Variants in TCERG1L observed in about 807,000 individuals in gnomAD.
The protein encoded by TCERG1L is transcription elongation regulator 1-like protein.
Under a neutral mutation model 56.3 loss-of-function variants are expected in TCERG1L, and 37 were observed. The observed-to-expected ratio is 0.66, with a 90% CI of 0.51 to 0.87. The LOEUF is 0.87. Ranked by LOEUF, TCERG1L falls within the 40% of genes least tolerant of loss-of-function variation. The pLI is 0.00. For synonymous variants in TCERG1L, 324 were observed against 326.3 expected (o/e 0.99, Z 0.08); for missense variants, 799 against 774.2 (o/e 1.03, Z -0.38).
chr10:131,267,950 C>A lies in TCERG1L; in HGVS notation c.671-7506G>T, dbSNP rs1846303271. On this transcript the variant is annotated intron_variant, in intron 3 of 11. Coordinates refer to ENST00000368642, the MANE Select transcript of TCERG1L (RefSeq NM_174937.4). The surrounding 1 kb of genome is among the most constrained non-coding windows in gnomAD (Gnocchi z 4.9). Reference sequence around the variant, plus strand: ...CCAGGGCTCCCCTTTGCCCAGCTCACAACCCTGCCAGGGTTGGCTCCTCTG... The same window carrying A: ...CCAGGGCTCCCCTTTGCCCAGCTCAAAACCCTGCCAGGGTTGGCTCCTCTG... Among the ~76,000 whole-genome samples the A allele has an allele frequency of 6.6e-6, 1 of 152,230 alleles. No individual in the cohort carries two copies. The highest frequency in any genetic ancestry group is 1.5e-5 in the Non-Finnish European group (1 of 68,038).
intron 4 of TCERG1L, among the ~76,000 whole-genome samples, chr10:131,220,003 G>C (rs946211284): frequency 2.0e-5 from 3 of 152,062 alleles, no homozygotes; most frequent in Non-Finnish European, 2.9e-5. Flanking sequence ...CCTGAGAAAC[G>C]AGCCCAACAA....
intron 9 of TCERG1L, among the ~76,000 whole-genome samples, chr10:131,114,476 C>G (rs1845435323): frequency 1.0e-5 from 1 of 98,472 alleles, no homozygotes; most frequent in South Asian, 5.0e-4. Context: ...TCACCCTAGT[C>G]CCTTTCTCTC....
chr10:131,106,371 A>G (rs529751870), intron 9 of TCERG1L, among the ~76,000 whole-genome samples: 1 of 152,298 alleles, frequency 6.6e-6, no homozygotes, highest in East Asian at 1.9e-4. Flanking sequence ...ACAGCAGCCT[A>G]GGGAGGCGGC....
rs1427505552 is a variant in TCERG1L, at chr10:131,308,252, C to A, written c.629G>T (p.Arg210Met). 3.1e-6 allele frequency: 5 copies of A among 1,613,912 alleles called. No homozygotes were observed. Among genetic ancestry groups the A allele is most frequent in the Non-Finnish European group, 4.2e-6 (5 of 1,179,868 alleles). ...TGCTAACACCACCGTGGGGAGCGGC[C>A]TGGAGGCAGGAGCCGGCCTGGACAG... is the stretch of plus-strand genomic sequence containing the variant. Reference protein sequence around the residue: ...VSLSRPAPASRPLPTVVLAPQ... With the variant: ...VSLSRPAPASMPLPTVVLAPQ... The change falls in exon 3 of 12, where the codon AGG becomes ATG. Residue 210 changes from arginine to methionine, a missense_variant. Physicochemically the swap from Arg to Met is moderately conservative, Grantham distance 91. Coordinates refer to ENST00000368642, the MANE Select transcript of TCERG1L (RefSeq NM_174937.4).
intron 6 of TCERG1L, among the ~76,000 whole-genome samples, chr10:131,150,191 C>T (rs1041116158): frequency 5.0e-5 from 1 of 20,166 alleles, no homozygotes; most frequent in South Asian, 3.1e-3. Flanking sequence ...GACCTGGGTA[C>T]AGCAGATGGA....
chr10:131,311,401 CG>C lies in TCERG1L; in HGVS notation c.234del (p.Gly79AlafsTer46). On this transcript the variant is annotated frameshift_variant, in exon 1 of 12. Coordinates refer to ENST00000368642, the MANE Select transcript of TCERG1L (RefSeq NM_174937.4). LOFTEE classifies it high-confidence loss of function. This position sits in a 1 kb window ranked among gnomAD's most constrained non-coding sequence, Gnocchi z 4.0. Reference protein sequence around the residue: ...PPAAPLLPGLPGWPAPSEPVL... With the variant: ...PPAAPLLPGLXGWPAPSEPVL... ...ACCGGCTCGCTCGGGGCCGGCCAGC[CG>C]GGGAGACCGGGGAGCAGCGGGGCCG... 1 of 1,182,634 alleles carries C rather than the reference CG, an allele frequency of 8.5e-7. No homozygotes were observed. Among genetic ancestry groups the C allele is most frequent in the African/African-American group, 1.6e-5 (1 of 61,978 alleles). 73.3% of individuals were successfully genotyped at this position (1,182,634 alleles called of 1,614,324 possible).
At chr10:131,138,556 G>A (rs1183009510) in intron 7 of TCERG1L, among the ~76,000 whole-genome samples, 2 of 152,156 alleles carry the variant, frequency 1.3e-5, no homozygotes, top group Non-Finnish European at 2.9e-5. Flanking sequence ...GGAAAGTAGG[G>A]CCAATTCATC....
At chr10:131,272,794 G>A (rs1465975577) in intron 3 of TCERG1L, among the ~76,000 whole-genome samples, 1 of 152,214 alleles carries the variant, frequency 6.6e-6, no homozygotes. Context: ...GGATGTGGAG[G>A]CATGAGCCGT....
chr10:131,207,279 G>C, intron 4 of TCERG1L, among the ~76,000 whole-genome samples: 1 of 152,100 alleles, frequency 6.6e-6, no homozygotes, highest in East Asian at 1.9e-4. Context: ...GAGGTCACAG[G>C]AGCTTTCCAA....
intron 4 of TCERG1L, among the ~76,000 whole-genome samples, chr10:131,218,182 C>G (rs1845692257): frequency 6.6e-6 from 1 of 152,164 alleles, no homozygotes; most frequent in Non-Finnish European, 1.5e-5. Context: ...GCGTGGACTG[C>G]CACTGTTTTA....
intron 4 of TCERG1L, among the ~76,000 whole-genome samples, chr10:131,171,846 CAGGCGTGAGCCA>C (rs563497394): frequency 6.6e-6 from 1 of 152,204 alleles, no homozygotes; most frequent in Non-Finnish European, 1.5e-5. Flanking sequence ...GCTGGGATTA[CAGGCGTGAGCCA>C]CTGCGCCTGG....
chr10:131,232,320 G>A (rs1203700288), intron 4 of TCERG1L, among the ~76,000 whole-genome samples: 2 of 152,234 alleles, frequency 1.3e-5, no homozygotes. Flanking sequence ...GAGGAGCCCA[G>A]CAGGATGAGC....
intron 4 of TCERG1L, among the ~76,000 whole-genome samples, chr10:131,255,098 T>C (rs970202338): frequency 1.3e-5 from 2 of 152,100 alleles, no homozygotes; most frequent in African/African-American, 4.8e-5. Context: ...CAGCAGGGTG[T>C]GGTTTCAGAG....
At chr10:131,119,488 T>C (rs1845492222) in intron 8 of TCERG1L, among the ~76,000 whole-genome samples, 1 of 152,332 alleles carries the variant, frequency 6.6e-6, no homozygotes, top group Admixed American at 6.5e-5. Flanking sequence ...GTAATAAATT[T>C]TCATTAGTTA....
At chr10:131,296,513 C>A (rs1846692036) in intron 3 of TCERG1L, among the ~76,000 whole-genome samples, 1 of 152,166 alleles carries the variant, frequency 6.6e-6, no homozygotes, top group African/African-American at 2.4e-5. Context: ...TGCACAAAGC[C>A]TTAGTTCCTG....
intron 4 of TCERG1L, among the ~76,000 whole-genome samples, chr10:131,230,490 G>A (rs540110321): frequency 2.1e-4 from 32 of 152,344 alleles, no homozygotes; most frequent in African/African-American, 7.7e-4. Flanking sequence ...CCAGCACACT[G>A]AGGGACGCTG....
chr10:131,185,261 T>C (rs1387354758), intron 4 of TCERG1L, among the ~76,000 whole-genome samples: 1 of 152,052 alleles, frequency 6.6e-6, no homozygotes. Context: ...ATCAAGTAAA[T>C]GTCCCAAAAC....
chr10:131,251,313 C>T (rs79931492), intron 4 of TCERG1L, among the ~76,000 whole-genome samples: 2 of 151,418 alleles, frequency 1.3e-5, no homozygotes, highest in Non-Finnish European at 2.9e-5. Context: ...CTCCCCCCGG[C>T]CCCTCCTCCC....
At chr10:131,264,010 C>T (rs553937086) in intron 3 of TCERG1L, among the ~76,000 whole-genome samples, 29 of 149,794 alleles carry the variant, frequency 1.9e-4, no homozygotes, top group African/African-American at 6.8e-4. Context: ...CCAGGAACCA[C>T]TGGGAGCCCC....
Sources: allele counts gnomAD v4.1 joint callset (sites outside exome capture counted in the v4.1 genomes callset), GRCh38; gene constraint gnomAD v4.1.1; non-coding constraint Gnocchi (gnomAD v3.1); transcripts MANE v1.5; gene names NCBI Gene and HGNC (gene_info 2026-07-23, HGNC 2026-07-21).